PARD3B: variants seen among roughly 807,000 people sequenced by gnomAD.
PARD3B encodes the protein partitioning defective 3 homolog B.
A neutral mutation model predicts 130.2 loss-of-function variants in PARD3B; 103 were observed. The observed-to-expected ratio is 0.79, with a 90% CI of 0.67 to 0.93. The LOEUF (loss-of-function observed/expected upper bound fraction) is 0.93, where lower values mean the gene tolerates loss of function less well. Among genes scored for constraint, PARD3B ranks in the 40% least tolerant of loss-of-function variants. The probability of loss-of-function intolerance (pLI) is 0.00; values close to 1 mark genes in which losing one functional copy is unlikely to be tolerated. For missense variants in PARD3B, 1,609 were observed against 1,499.2 expected (o/e 1.07, Z -1.21); for synonymous variants, 583 against 553.2 (o/e 1.05, Z -0.76).
intron 2 of PARD3B, among the ~76,000 whole-genome samples, chr2:204,831,407 T>G (rs530903699): frequency 6.6e-6 from 1 of 152,334 alleles, no homozygotes; most frequent in Admixed American, 6.5e-5. Flanking sequence ...TCAATCCACA[T>G]GTCTTAATTA....
At chr2:204,729,544 A>C (rs1317188336) in intron 2 of PARD3B, among the ~76,000 whole-genome samples, 1 of 152,214 alleles carries the variant, frequency 6.6e-6, no homozygotes, top group African/African-American at 2.4e-5. Context: ...GATACCGAGC[A>C]GACATCTCGT....
At chr2:204,964,325 G>A (rs1691020981) in intron 2 of PARD3B, among the ~76,000 whole-genome samples, 1 of 152,092 alleles carries the variant, frequency 6.6e-6, no homozygotes, top group African/African-American at 2.4e-5. Flanking sequence ...CGTCGTCACT[G>A]TCTATACAGT....
chr2:205,124,437 C>A lies in PARD3B; in HGVS notation c.1276C>A (p.Arg426Ser). Residue 426 changes from arginine (R) to serine (S), a missense_variant, in exon 9 of 23, where the codon CGC (arginine) becomes AGC (serine). Arg to Ser is a moderately radical substitution (Grantham distance 110). Transcript: ENST00000406610. ...LPKGAAIKDG[R>S]LQSGDRILEV... ...AAAGGGAGCAGCAATAAAAGATGGC[C>A]GCCTACAATCAGGGGACAGAATTTT... The A allele has an allele frequency of 6.3e-7, 1 of 1,597,408 alleles. No homozygotes were observed. Among genetic ancestry groups the A allele is most frequent in the Non-Finnish European group, 8.5e-7 (1 of 1,171,256 alleles).
In PARD3B at chr2:205,584,072, G is replaced by T. The variant is rs1411495841; in HGVS notation, c.3260+30669G>T. On this transcript the variant is annotated intron_variant, in intron 22 of 22. Coordinates refer to ENST00000406610, the MANE Select transcript of PARD3B (RefSeq NM_001302769.2). This position sits in a 1 kb window ranked among gnomAD's most constrained non-coding sequence, Gnocchi z 5.5. ...TGATTTTCGAAGTATTTAGGAAAAT[G>T]CTTCAAAGTCAAAAATTACAAGCAG... Among the ~76,000 whole-genome samples, 38 of 152,160 alleles carry T rather than the reference G, an allele frequency of 2.5e-4. No individual in the cohort carries two copies. Among genetic ancestry groups the T allele is most frequent in the Admixed American group, 2.5e-3 (38 of 15,278 alleles).
rs1194812553 is a variant in PARD3B, at chr2:205,496,691, AT to A, written c.3045-3200del. On this transcript the variant is annotated intron_variant, in intron 20 of 22. Transcript: ENST00000406610. ...AGAACAGCAATCTGATCAAACCCAT[AT>A]TTTTAAATTTATGCATTTATAGGCA... is the stretch of plus-strand genomic sequence containing the variant. Among the ~76,000 whole-genome samples the A allele has an allele frequency of 2.6e-5, 4 of 152,078 alleles. No individual in the cohort carries two copies. The East Asian group carries it at 7.7e-4, about 29-fold the overall frequency.
At chr2:205,537,102 G>A (rs1372446175) in intron 21 of PARD3B, among the ~76,000 whole-genome samples, 1 of 152,026 alleles carries the variant, frequency 6.6e-6, no homozygotes, top group South Asian at 2.1e-4. Context: ...ACCTCTTAGG[G>A]ATGTTAAGAG....
chr2:205,030,983 T>C (rs1216105008), intron 3 of PARD3B, among the ~76,000 whole-genome samples: 1 of 152,208 alleles, frequency 6.6e-6, no homozygotes, highest in Non-Finnish European at 1.5e-5. Flanking sequence ...TTGATTTTTC[T>C]CTTTGAAGAC....
At chr2:205,212,246 G>A (rs1574405832) in intron 15 of PARD3B, among the ~76,000 whole-genome samples, 1 of 152,054 alleles carries the variant, frequency 6.6e-6, no homozygotes, top group Non-Finnish European at 1.5e-5. Flanking sequence ...AATGATAAAA[G>A]TCTCGGAAAT....
chr2:205,505,868 C>A (rs867405971), intron 21 of PARD3B, among the ~76,000 whole-genome samples: 3 of 152,056 alleles, frequency 2.0e-5, no homozygotes, highest in African/African-American at 7.2e-5. Context: ...ATTATCCCCC[C>A]GCCCAACCTT....
At chr2:204,621,429 A>G (rs1335758165) in intron 1 of PARD3B, among the ~76,000 whole-genome samples, 3 of 152,200 alleles carry the variant, frequency 2.0e-5, no homozygotes, top group East Asian at 3.9e-4. Flanking sequence ...TTTAGACATA[A>G]TATTTCTACT....
chr2:205,448,517 G>T (rs549145304), intron 20 of PARD3B, among the ~76,000 whole-genome samples: 1 of 152,056 alleles, frequency 6.6e-6, no homozygotes, highest in Non-Finnish European at 1.5e-5. Context: ...TATCCAAGTT[G>T]AATATTTACT....
intron 18 of PARD3B, among the ~76,000 whole-genome samples, chr2:205,315,573 C>G (rs1351263191): frequency 6.6e-6 from 1 of 152,126 alleles, no homozygotes; most frequent in Non-Finnish European, 1.5e-5. Flanking sequence ...TGTAATGCAG[C>G]CAGTCCCAGG....
chr2:205,469,691 G>A (rs1235516313), intron 20 of PARD3B, among the ~76,000 whole-genome samples: 1 of 152,152 alleles, frequency 6.6e-6, no homozygotes, highest in Non-Finnish European at 1.5e-5. Flanking sequence ...ATTTGACATA[G>A]ACTCCTGGTA....
chr2:205,109,443 A>G (rs1391744284), intron 5 of PARD3B, among the ~76,000 whole-genome samples: 2 of 152,174 alleles, frequency 1.3e-5, no homozygotes, highest in African/African-American at 4.8e-5. Context: ...TTTTTAAGAA[A>G]GTCTTACTGA....
chr2:205,214,251 C>T (rs978721465), intron 15 of PARD3B, among the ~76,000 whole-genome samples: 1 of 151,978 alleles, frequency 6.6e-6, no homozygotes, highest in African/African-American at 2.4e-5. Context: ...TTTCATAAAA[C>T]TGTTTGCACA....
rs2040607166 is a variant in PARD3B, at chr2:205,268,691, TAAGTTTTA to T, written c.2185+22872_2185+22879del. Among the ~76,000 whole-genome samples, 1 of 152,104 alleles carries T rather than the reference TAAGTTTTA, an allele frequency of 6.6e-6. No homozygotes were observed. Among genetic ancestry groups the T allele is most frequent in the Non-Finnish European group, 1.5e-5 (1 of 67,998 alleles). ...TCTGAGATATATGATGAGTCCAAAA[TAAGTTTTA>T]AAATAAAATGAAGTATAATTTTGAG... On this transcript the variant is annotated intron_variant, in intron 16 of 22. Transcript: ENST00000406610. The surrounding 1 kb of genome is among the most constrained non-coding windows in gnomAD (Gnocchi z 4.1).
chr2:205,185,307 T>G (rs2125786249), intron 13 of PARD3B, among the ~76,000 whole-genome samples: 1 of 152,190 alleles, frequency 6.6e-6, no homozygotes, highest in Admixed American at 6.5e-5. Context: ...GTCTAAATGG[T>G]GGACAGATAT....
At chr2:205,135,742 G>A (rs775619080) in intron 10 of PARD3B, among the ~76,000 whole-genome samples, 18 of 151,926 alleles carry the variant, frequency 1.2e-4, no homozygotes, top group Non-Finnish European at 4.4e-5. Context: ...GACACATAAC[G>A]CAACAGTAGA....
At chr2:205,136,851 T>C (rs2032530035) in intron 10 of PARD3B, among the ~76,000 whole-genome samples, 1 of 152,218 alleles carries the variant, frequency 6.6e-6, no homozygotes, top group Non-Finnish European at 1.5e-5. Context: ...TTCCCTTTTT[T>C]CTGGGTCCAC....
Sources: gnomAD v4.1 joint callset for allele counts (sites outside exome capture counted in the v4.1 genomes callset) on GRCh38, gnomAD v4.1.1 for gene constraint, Gnocchi (gnomAD v3.1) non-coding constraint, MANE v1.5 for transcripts, NCBI Gene and HGNC (gene_info 2026-07-23, HGNC 2026-07-21) for gene names.